ST6GALNAC5: variants seen among roughly 807,000 people sequenced by gnomAD.
ST6GALNAC5 encodes the protein ST6 N-acetylgalactosaminide alpha-2,6-sialyltransferase 5, also known as alpha-N-acetylgalactosaminide alpha-2,6-sialyltransferase 5.
A neutral mutation model predicts 33.6 loss-of-function variants in ST6GALNAC5; 27 were observed. The observed-to-expected ratio is 0.80, with a 90% CI of 0.59 to 1.11. ST6GALNAC5 has a LOEUF of 1.11. ST6GALNAC5 is among the 50% of genes least tolerant of loss of function. ST6GALNAC5 has a pLI of 0.00. For missense variants in ST6GALNAC5, 428 were observed against 454.0 expected (o/e 0.94, Z 0.52); for synonymous variants, 194 against 171.2 (o/e 1.13, Z -1.04).
At chr1:76,967,571 G>T (rs1648550558) in intron 2 of ST6GALNAC5, among the ~76,000 whole-genome samples, 1 of 152,058 alleles carries the variant, frequency 6.6e-6, no homozygotes, top group Admixed American at 6.6e-5. Flanking sequence ...GGTTTTTTGT[G>T]TCTCTATCTC....
chr1:76,994,574 C>A (rs757654125), intron 2 of ST6GALNAC5, among the ~76,000 whole-genome samples: 29 of 152,136 alleles, frequency 1.9e-4, no homozygotes, highest in Middle Eastern at 3.4e-3. Flanking sequence ...GTATTAAAGA[C>A]CCCGAGCCCA....
chr1:76,896,855 A>T (rs55928549), intron 2 of ST6GALNAC5, among the ~76,000 whole-genome samples: 2,737 of 152,208 alleles, frequency 0.018, 84 homozygotes, highest in African/African-American at 0.062. Context: ...AGTGGCAGCC[A>T]CTGCATGCAG....
chr1:76,886,737 AT>A (rs1215899962), intron 2 of ST6GALNAC5, among the ~76,000 whole-genome samples: 1 of 152,132 alleles, frequency 6.6e-6, no homozygotes, highest in Non-Finnish European at 1.5e-5. Context: ...GGTAACTTCA[AT>A]TCTACTTTCT....
At chr1:76,963,897 G>A (rs1648349132) in intron 2 of ST6GALNAC5, among the ~76,000 whole-genome samples, 1 of 152,132 alleles carries the variant, frequency 6.6e-6, no homozygotes, top group Non-Finnish European at 1.5e-5. Context: ...ATCCATAAAA[G>A]GGGAGAACCT....
chr1:77,043,227 G>A (rs1181458516), intron 2 of ST6GALNAC5, among the ~76,000 whole-genome samples: 1 of 152,200 alleles, frequency 6.6e-6, no homozygotes, highest in Non-Finnish European at 1.5e-5. Flanking sequence ...CCTTGGCCTC[G>A]GGCCGTAATT....
At position 77,064,970 on chromosome 1, in the gene ST6GALNAC5, T is replaced by C. The variant is rs563805411; in HGVS notation, c.*1764T>C. ...TCACATAACATAAACAAAGTTGATATTGATGTGTATGGCTTGGGCTGTTCA... is the reference window on the plus strand; with the variant it reads ...TCACATAACATAAACAAAGTTGATACTGATGTGTATGGCTTGGGCTGTTCA... On this transcript the variant is annotated 3_prime_UTR_variant, in exon 5 of 5. Transcript: ENST00000477717. 6.6e-6 allele frequency: 1 copy of C among 152,210 alleles called. No homozygotes were observed. Among genetic ancestry groups the C allele is most frequent in the East Asian group, 1.9e-4 (1 of 5,200 alleles). 9.4% of individuals were successfully genotyped at this position (152,210 alleles called of 1,614,324 possible).
At chr1:76,916,795 C>A (rs1244707751) in intron 2 of ST6GALNAC5, among the ~76,000 whole-genome samples, 1 of 151,838 alleles carries the variant, frequency 6.6e-6, no homozygotes, top group Non-Finnish European at 1.5e-5. Flanking sequence ...TTGATGTTAC[C>A]ATGGCTATGG....
intron 2 of ST6GALNAC5, among the ~76,000 whole-genome samples, chr1:76,963,745 C>T (rs1648342250): frequency 6.6e-6 from 1 of 152,190 alleles, no homozygotes; most frequent in Non-Finnish European, 1.5e-5. Flanking sequence ...TCCCCAGAAC[C>T]TTTAAATGTG....
chr1:77,046,506 C>T (rs548851395), intron 3 of ST6GALNAC5, among the ~76,000 whole-genome samples: 2 of 152,238 alleles, frequency 1.3e-5, no homozygotes, highest in African/African-American at 4.8e-5. Flanking sequence ...GGCACTGTGG[C>T]CTTCCTCACT....
chr1:76,874,963 C>G (rs746850157), intron 2 of ST6GALNAC5, among the ~76,000 whole-genome samples: 3 of 152,162 alleles, frequency 2.0e-5, no homozygotes, highest in Non-Finnish European at 4.4e-5. Context: ...ACACCAACCC[C>G]CAACCCAAAT....
At chr1:76,912,862 C>T (rs1453335863) in intron 2 of ST6GALNAC5, among the ~76,000 whole-genome samples, 6 of 152,132 alleles carry the variant, frequency 3.9e-5, no homozygotes, top group Non-Finnish European at 8.8e-5. Context: ...TGGCTCTTGA[C>T]TCTTTATCCA....
Position 76,969,751 on chromosome 1 carries a change from C to G in ST6GALNAC5, c.262-74453C>G, listed in dbSNP as rs189664825. 1.6e-4 allele frequency among the ~76,000 whole-genome samples: 24 copies of G among 152,244 alleles called. No individual in the cohort carries two copies. In the East Asian group the frequency reaches 4.5e-3, roughly 28 times the overall value. ...AGTGGGTCCCTGACCCCCGTGTAGCCTAACTGGGAGAGACCTCCCAGTAGT... is the reference window on the plus strand; with the variant it reads ...AGTGGGTCCCTGACCCCCGTGTAGCGTAACTGGGAGAGACCTCCCAGTAGT... On this transcript the variant is annotated intron_variant, in intron 2 of 4. Coordinates refer to ENST00000477717, the MANE Select transcript of ST6GALNAC5 (RefSeq NM_030965.3).
At chr1:76,999,465 A>T (rs1436387966) in intron 2 of ST6GALNAC5, among the ~76,000 whole-genome samples, 2 of 151,782 alleles carry the variant, frequency 1.3e-5, no homozygotes, top group Non-Finnish European at 2.9e-5. Flanking sequence ...TCTGGTCCAG[A>T]AATGTGCAGG....
intron 2 of ST6GALNAC5, among the ~76,000 whole-genome samples, chr1:76,948,381 C>T (rs1647606053): frequency 6.6e-6 from 1 of 152,162 alleles, no homozygotes; most frequent in Non-Finnish European, 1.5e-5. Flanking sequence ...CTTCTCTCCT[C>T]AGGGCTGTGC....
At position 77,065,510 on chromosome 1, in the gene ST6GALNAC5, T is replaced by A. The variant is rs1043098210; in HGVS notation, c.*2304T>A. The A allele has an allele frequency of 1.3e-4, 20 of 152,210 alleles. No homozygotes were observed. Among genetic ancestry groups the A allele is most frequent in the African/African-American group, 3.4e-4 (14 of 41,454 alleles). The allele number at this position is 152,210 out of a possible 1,614,324, so 9.4% of individuals were successfully genotyped here. A position where few individuals can be genotyped will look rare whatever the true frequency, so the allele number is the denominator to read the frequency against. On this transcript the variant is annotated 3_prime_UTR_variant, in exon 5 of 5. Transcript: ENST00000477717. The stretch of plus-strand genomic sequence containing the variant: ...CTAGGATATGTGATTTCATATTTTT[T>A]AAAAATGTGGTGTAAATAAGTGTAA...
intron 4 of ST6GALNAC5, among the ~76,000 whole-genome samples, chr1:77,060,820 T>G (rs994769891): frequency 2.6e-5 from 4 of 152,096 alleles, no homozygotes; most frequent in Non-Finnish European, 4.4e-5. Flanking sequence ...GAAACCTAAC[T>G]GTTTCTTTAG....
At chr1:76,937,342 G>C (rs1557729583) in intron 2 of ST6GALNAC5, among the ~76,000 whole-genome samples, 2 of 151,962 alleles carry the variant, frequency 1.3e-5, no homozygotes, top group South Asian at 2.1e-4. Context: ...AAATTGGGAT[G>C]TGACAGATCA....
chr1:77,038,976 T>C (rs914674089), intron 2 of ST6GALNAC5, among the ~76,000 whole-genome samples: 1 of 152,208 alleles, frequency 6.6e-6, no homozygotes, highest in Non-Finnish European at 1.5e-5. Context: ...AAATTGCAGA[T>C]AGTATCTTAG....
chr1:76,990,137 G>A (rs1225068136), intron 2 of ST6GALNAC5, among the ~76,000 whole-genome samples: 6 of 152,144 alleles, frequency 3.9e-5, no homozygotes, highest in African/African-American at 1.4e-4. Flanking sequence ...TGGTTCCAGG[G>A]AGAGAAGTTT....
Sources: gnomAD v4.1 joint callset for allele counts (sites outside exome capture counted in the v4.1 genomes callset) on GRCh38, gnomAD v4.1.1 for gene constraint, MANE v1.5 for transcripts, NCBI Gene and HGNC (gene_info 2026-07-23, HGNC 2026-07-21) for gene names.